Variants in FEM1C observed in about 807,000 individuals in gnomAD.
The protein encoded by FEM1C is fem-1 homolog C.
In FEM1C, 15 loss-of-function variants were observed where a neutral mutation model predicts 37.6. The ratio of observed to expected loss-of-function variants is 0.40; its 90% CI spans 0.27 to 0.61. FEM1C has a LOEUF of 0.61. Among genes scored for constraint, FEM1C ranks in the 20% least tolerant of loss-of-function variants. FEM1C has a pLI of 0.42. For missense variants in FEM1C, 532 were observed against 749.7 expected (o/e 0.71, Z 3.39); for synonymous variants, 287 against 272.8 (o/e 1.05, Z -0.51).
chr5:115,530,266 G>C (rs1399821836), intron 2 of FEM1C, among the ~76,000 whole-genome samples: 1 of 151,838 alleles, frequency 6.6e-6, no homozygotes, highest in Non-Finnish European at 1.5e-5. Flanking sequence ...TATGAAAGTA[G>C]ACTTTAATGC....
intron 2 of FEM1C, among the ~76,000 whole-genome samples, chr5:115,531,821 G>A (rs779570095): frequency 2.0e-5 from 3 of 152,034 alleles, no homozygotes; most frequent in Admixed American, 2.0e-4. Flanking sequence ...ACTGAAATGG[G>A]GTGGGCTGGA....
At chr5:115,529,765 A>G (rs1753978400) in intron 2 of FEM1C, among the ~76,000 whole-genome samples, 1 of 152,102 alleles carries the variant, frequency 6.6e-6, no homozygotes, top group Non-Finnish European at 1.5e-5. Flanking sequence ...TCTTTCTTGT[A>G]AAGACATAAA....
chr5:115,534,942 T>C (rs1754093730), intron 2 of FEM1C, among the ~76,000 whole-genome samples: 2 of 151,898 alleles, frequency 1.3e-5, no homozygotes, highest in Non-Finnish European at 2.9e-5. Flanking sequence ...AGCTAATATA[T>C]CTAATAGCAA....
intron 2 of FEM1C, among the ~76,000 whole-genome samples, chr5:115,534,703 A>T (rs1010827528): frequency 1.3e-5 from 2 of 151,892 alleles, no homozygotes; most frequent in African/African-American, 2.4e-5. Flanking sequence ...GCCGTTTGTA[A>T]ATTCCTCATG....
intron 2 of FEM1C, among the ~76,000 whole-genome samples, chr5:115,541,020 T>G (rs570697934): frequency 1.3e-5 from 2 of 152,078 alleles, no homozygotes; most frequent in Admixed American, 6.6e-5. Flanking sequence ...ATGCTGTCAT[T>G]TGATCTACCA....
chr5:115,525,985 T>G (rs145051921), intron 2 of FEM1C, among the ~76,000 whole-genome samples: 1 of 152,214 alleles, frequency 6.6e-6, no homozygotes, highest in African/African-American at 2.4e-5. Context: ...ACAAGTCACT[T>G]AACTTCCAGG....
intron 2 of FEM1C, among the ~76,000 whole-genome samples, chr5:115,531,341 T>A (rs1561558037): frequency 6.6e-6 from 1 of 152,166 alleles, no homozygotes; most frequent in African/African-American, 2.4e-5. Context: ...AAATTCTACA[T>A]CATTGATTCT....
At position 115,524,654 on chromosome 5, in the gene FEM1C, C is replaced by T; in HGVS notation, c.1508G>A (p.Cys503Tyr). The T allele has an allele frequency of 6.4e-7, 1 of 1,570,268 alleles. No individual in the cohort carries two copies. ...NTTCVGRYPV[C>Y]KFPSLQVTAI... ...AGTAACTTGTAGAGATGGAAATTTACAAACAGGGTACCGCCCTACACATGT... is the reference window on the plus strand; with the variant it reads ...AGTAACTTGTAGAGATGGAAATTTATAAACAGGGTACCGCCCTACACATGT... The change falls in exon 3 of 3, where the codon TGT becomes TAT. Residue 503 changes from cysteine (C) to tyrosine (Y), a missense_variant. Coordinates refer to ENST00000274457, the MANE Select transcript of FEM1C (RefSeq NM_020177.3).
chr5:115,535,297 AAC>A (rs1554089357), intron 2 of FEM1C, among the ~76,000 whole-genome samples: 4 of 150,946 alleles, frequency 2.6e-5, no homozygotes, highest in African/African-American at 7.3e-5. Context: ...AAAAAAAAAA[AAC>A]AAACACAGAA....
chr5:115,529,253 C>CG (rs1753968060), intron 2 of FEM1C, among the ~76,000 whole-genome samples: 1 of 152,040 alleles, frequency 6.6e-6, no homozygotes, highest in South Asian at 2.1e-4. Flanking sequence ...TACAACACAG[C>CG]AAACTGCTGA....
intron 2 of FEM1C, among the ~76,000 whole-genome samples, chr5:115,528,549 A>G (rs1753952356): frequency 6.6e-6 from 1 of 152,192 alleles, no homozygotes; most frequent in Non-Finnish European, 1.5e-5. Flanking sequence ...ATCGAATTTA[A>G]GATCATCTCA....
intron 2 of FEM1C, among the ~76,000 whole-genome samples, chr5:115,529,915 A>G (rs1753981471): frequency 6.6e-6 from 1 of 152,042 alleles, no homozygotes; most frequent in Non-Finnish European, 1.5e-5. Flanking sequence ...AGTGGCAAAA[A>G]AGAAGACCAA....
At chr5:115,543,712 T>C in intron 1 of FEM1C, 29 bp from the exon 2 acceptor site, 1 of 1,345,648 alleles carries the variant, frequency 7.4e-7, no homozygotes, top group Non-Finnish European at 9.5e-7. Flanking sequence ...AGTAGCAGCA[T>C]TTAATTTTCT....
Position 115,521,133 on chromosome 5 carries a change from T to C in FEM1C, c.*3175A>G, listed in dbSNP as rs1322217447. ...AAAATGATGATGACCAATTAGTTTG[T>C]TTCCTTAGTATCTAACTCTAAAATG... On this transcript the variant is annotated 3_prime_UTR_variant, in exon 3 of 3. Coordinates refer to ENST00000274457, the MANE Select transcript of FEM1C (RefSeq NM_020177.3). 1 of 151,484 alleles carries C rather than the reference T, an allele frequency of 6.6e-6. No homozygotes were observed. The highest frequency in any genetic ancestry group is 1.5e-5 in the Non-Finnish European group (1 of 67,644). The allele number at this position is 151,484 out of a possible 1,614,324, so 9.4% of individuals were successfully genotyped here. A position where few individuals can be genotyped will look rare whatever the true frequency, so the allele number is the denominator to read the frequency against.
chr5:115,521,088 A>G lies in FEM1C; in HGVS notation c.*3220T>C, dbSNP rs1246786708. The G allele has an allele frequency of 6.6e-6, 1 of 151,614 alleles. No homozygotes were observed. The highest frequency in any genetic ancestry group is 2.4e-5 in the African/African-American group (1 of 41,358). The allele number at this position is 151,614 out of a possible 1,614,324, so 9.4% of individuals were successfully genotyped here. A position where few individuals can be genotyped will look rare whatever the true frequency, so the allele number is the denominator to read the frequency against. Reference sequence around the variant, plus strand: ...AGTGACACATAAGGGCAAAAAAAAAAAAAAGAAAAAGAAAAAAAGAAAATG... The same window carrying G: ...AGTGACACATAAGGGCAAAAAAAAAGAAAAGAAAAAGAAAAAAAGAAAATG... On this transcript the variant is annotated 3_prime_UTR_variant, in exon 3 of 3. Transcript: ENST00000274457.
At chr5:115,532,940 G>A (rs925643540) in intron 2 of FEM1C, among the ~76,000 whole-genome samples, 2 of 152,014 alleles carry the variant, frequency 1.3e-5, no homozygotes, top group African/African-American at 4.8e-5. Flanking sequence ...AAAGGAGCAT[G>A]AAGGACATTT....
chr5:115,527,583 T>C (rs17137954), intron 2 of FEM1C, among the ~76,000 whole-genome samples: 3,457 of 152,200 alleles, frequency 0.023, 135 homozygotes, highest in Admixed American at 0.095. Context: ...CTCTTTTGTA[T>C]TAAGGACCTC....
rs1260091173 is a variant in FEM1C, at chr5:115,524,005, G to C, written c.*303C>G. The C allele has an allele frequency of 7.2e-6, 2 of 277,534 alleles. No homozygotes were observed. The highest frequency in any genetic ancestry group is 2.3e-5 in the African/African-American group (1 of 44,282). The allele number at this position is 277,534 out of a possible 1,614,324, so 17.2% of individuals were successfully genotyped here. A position where few individuals can be genotyped will look rare whatever the true frequency, so the allele number is the denominator to read the frequency against. ...AAGTATAAAGACACCATGGAGAAAT[G>C]GTTAACTCTGCCCCAAACACCCAAC... On this transcript the variant is annotated 3_prime_UTR_variant, in exon 3 of 3. Transcript: ENST00000274457.
chr5:115,543,161 G>A lies in FEM1C; in HGVS notation c.333C>T (p.Asn111=), dbSNP rs766343685. ...SLLNHGASVN[N]TTLTNSTPLR... is the part of the protein sequence containing the mutation. Reference sequence around the variant, plus strand: ...GAGGAGTTGAATTGGTTAAAGTCGTGTTGTTGACAGATGCTCCATGATTTA... The same window carrying A: ...GAGGAGTTGAATTGGTTAAAGTCGTATTGTTGACAGATGCTCCATGATTTA... Residue 111 remains asparagine (N), a synonymous_variant, in exon 2 of 3, where the codon AAC becomes AAT. Coordinates refer to ENST00000274457, the MANE Select transcript of FEM1C (RefSeq NM_020177.3). 1 of 1,614,238 alleles carries A rather than the reference G, an allele frequency of 6.2e-7. No homozygotes were observed.
Sources: gnomAD v4.1 joint callset for allele counts (sites outside exome capture counted in the v4.1 genomes callset) on GRCh38, gnomAD v4.1.1 for gene constraint, MANE v1.5 for transcripts, NCBI Gene and HGNC (gene_info 2026-07-23, HGNC 2026-07-21) for gene names.